MAML2: variants seen among roughly 807,000 people sequenced by gnomAD.
MAML2 encodes mastermind like transcriptional coactivator 2.
Under a neutral mutation model 96.1 loss-of-function variants are expected in MAML2, and 22 were observed. That is an observed-to-expected ratio of 0.23 (90% CI 0.16 to 0.33). The LOEUF is 0.33. Among genes scored for constraint, MAML2 ranks in the 10% least tolerant of loss-of-function variants. The pLI is 1.00. For missense variants in MAML2, 1,367 were observed against 1,392.4 expected (o/e 0.98, Z 0.29); for synonymous variants, 561 against 521.3 (o/e 1.08, Z -1.04).
chr11:96,083,770 TGGTGAATAAGACA>T (rs1302677110), intron 2 of MAML2, among the ~76,000 whole-genome samples: 1 of 152,178 alleles, frequency 6.6e-6, no homozygotes, highest in Non-Finnish European at 1.5e-5. Context: ...TGGAATACAG[TGGTGAATAAGACA>T]GATGCCACCC....
rs12274278 is a variant in MAML2, at chr11:96,321,641, G to T, written c.513+19742C>A. Among the ~76,000 whole-genome samples, 1,222 of 152,276 alleles carry T rather than the reference G, an allele frequency of 8.0e-3. 11 individuals are homozygous for T. Among genetic ancestry groups the T allele is most frequent in the African/African-American group, 0.027 (1,127 of 41,550 alleles). On this transcript the variant is annotated intron_variant, in intron 1 of 4. Transcript: ENST00000524717. ...AGAATTTAGAGTGTGCAGGAAGTAT[G>T]TCTATAGAAGGTTTTTGTTCTAAAT...
intron 1 of MAML2, among the ~76,000 whole-genome samples, chr11:96,181,613 C>T (rs1861487782): frequency 6.6e-6 from 1 of 152,096 alleles, no homozygotes; most frequent in Non-Finnish European, 1.5e-5. Flanking sequence ...AAAATTACAG[C>T]TTTTGGCCAA....
chr11:96,081,961 C>T (rs1310975966), intron 2 of MAML2, among the ~76,000 whole-genome samples: 1 of 152,116 alleles, frequency 6.6e-6, no homozygotes, highest in African/African-American at 2.4e-5. Context: ...ATTTCATTTT[C>T]GTTGATTTCA....
At chr11:96,027,623 C>A (rs1858546301) in intron 2 of MAML2, among the ~76,000 whole-genome samples, 1 of 152,126 alleles carries the variant, frequency 6.6e-6, no homozygotes, top group South Asian at 2.1e-4. Flanking sequence ...CAGGAAGGAA[C>A]ATTAGAGGAG....
chr11:96,296,191 A>T (rs1432678306), intron 1 of MAML2, among the ~76,000 whole-genome samples: 1 of 152,130 alleles, frequency 6.6e-6, no homozygotes, highest in African/African-American at 2.4e-5. Flanking sequence ...ACACACCATC[A>T]TACTCAGCTT....
At chr11:96,129,531 T>G in intron 1 of MAML2, among the ~76,000 whole-genome samples, 1 of 151,758 alleles carries the variant, frequency 6.6e-6, no homozygotes, top group South Asian at 2.1e-4. Flanking sequence ...CCAACACCTG[T>G]GCTGAAATCC....
At chr11:95,993,866 G>C (rs1174988995) in intron 2 of MAML2, among the ~76,000 whole-genome samples, 1 of 152,134 alleles carries the variant, frequency 6.6e-6, no homozygotes, top group Non-Finnish European at 1.5e-5. Context: ...CAGTCACTGT[G>C]GTCCGTGCTT....
At chr11:96,275,563 C>A (rs1020448309) in intron 1 of MAML2, among the ~76,000 whole-genome samples, 2 of 152,060 alleles carry the variant, frequency 1.3e-5, no homozygotes, top group African/African-American at 4.8e-5. Context: ...GCCACCACAC[C>A]CGGCCAGAAT....
At chr11:96,286,810 C>G (rs1261088189) in intron 1 of MAML2, among the ~76,000 whole-genome samples, 1 of 152,056 alleles carries the variant, frequency 6.6e-6, no homozygotes, top group Non-Finnish European at 1.5e-5. Flanking sequence ...CCTCATCTAA[C>G]CTGTTTCATA....
At chr11:96,049,210 T>C (rs774890851) in intron 2 of MAML2, among the ~76,000 whole-genome samples, 5 of 152,228 alleles carry the variant, frequency 3.3e-5, no homozygotes, top group Admixed American at 6.5e-5. Context: ...TGGCATACTA[T>C]GCTCTATTTT....
intron 1 of MAML2, among the ~76,000 whole-genome samples, chr11:96,274,552 A>G (rs1050910219): frequency 6.6e-6 from 1 of 152,022 alleles, no homozygotes; most frequent in African/African-American, 2.4e-5. Flanking sequence ...AGTTATTTCT[A>G]TTATGAAAAC....
chr11:95,986,741 C>T (rs1857835082), intron 3 of MAML2, among the ~76,000 whole-genome samples: 1 of 152,158 alleles, frequency 6.6e-6, no homozygotes, highest in Admixed American at 6.5e-5. Flanking sequence ...GAGTCCAAAA[C>T]TCAGGCTCTT....
chr11:96,073,510 C>T (rs866734298), intron 2 of MAML2, among the ~76,000 whole-genome samples: 66 of 151,934 alleles, frequency 4.3e-4, no homozygotes, highest in African/African-American at 9.2e-4. Flanking sequence ...TTAGTAGAGA[C>T]GGGGTTTCAC....
intron 1 of MAML2, among the ~76,000 whole-genome samples, chr11:96,202,630 T>A (rs1241733820): frequency 2.2e-5 from 3 of 137,960 alleles, no homozygotes; most frequent in Non-Finnish European, 4.6e-5. Context: ...CCAGATGAAA[T>A]TTTTTTTTTT....
chr11:96,088,316 C>T (rs1859650833), intron 2 of MAML2, among the ~76,000 whole-genome samples: 1 of 152,174 alleles, frequency 6.6e-6, no homozygotes, highest in Non-Finnish European at 1.5e-5. Context: ...AATATAGAAT[C>T]CACTTGAGTT....
intron 1 of MAML2, among the ~76,000 whole-genome samples, chr11:96,136,683 T>C (rs1860639054): frequency 6.6e-6 from 1 of 152,224 alleles, no homozygotes; most frequent in African/African-American, 2.4e-5. Context: ...TGTTTTTCTT[T>C]CAGCTGATGA....
intron 1 of MAML2, among the ~76,000 whole-genome samples, chr11:96,339,054 A>G (rs1863955397): frequency 6.6e-6 from 1 of 152,206 alleles, no homozygotes; most frequent in Non-Finnish European, 1.5e-5. Context: ...GGAATTTCCA[A>G]CAACCCGTGC....
At chr11:96,012,361 G>A (rs1172522995) in intron 2 of MAML2, among the ~76,000 whole-genome samples, 4 of 152,214 alleles carry the variant, frequency 2.6e-5, no homozygotes, top group Non-Finnish European at 5.9e-5. Context: ...GGTTGACAGT[G>A]ATTAATCATT....
chr11:96,118,966 CTG>C (rs140728651), intron 1 of MAML2, among the ~76,000 whole-genome samples: 1 of 152,220 alleles, frequency 6.6e-6, no homozygotes, highest in East Asian at 1.9e-4. Context: ...TCTGAACCCT[CTG>C]TCTCTCCATA....
Sources: allele counts gnomAD v4.1 joint callset (sites outside exome capture counted in the v4.1 genomes callset), GRCh38; gene constraint gnomAD v4.1.1; transcripts MANE v1.5; gene names NCBI Gene and HGNC (gene_info 2026-07-23, HGNC 2026-07-21).